GREB1L: variants seen among roughly 807,000 people sequenced by gnomAD.
The protein encoded by GREB1L is GREB1 like retinoic acid receptor coactivator, also known as GREB1-like protein.
In GREB1L, 17 loss-of-function variants were observed where a neutral mutation model predicts 200.8. The ratio of observed to expected loss-of-function variants is 0.08; its 90% confidence interval spans 0.06 to 0.13. GREB1L has a LOEUF of 0.13. GREB1L is among the 10% of genes least tolerant of loss of function. The pLI is 1.00. For synonymous variants in GREB1L, 789 were observed against 893.0 expected (o/e 0.88, Z 2.08); for missense variants, 1,657 against 2,367.7 (o/e 0.70, Z 6.23).
chr18:21,363,299 CCACA>C (rs1555631605), intron 1 of GREB1L, among the ~76,000 whole-genome samples: 1 of 105,528 alleles, frequency 9.5e-6, no homozygotes, highest in African/African-American at 4.0e-5. Context: ...CCCCCCCCCC[CCACA>C]CACACAAGAA....
intron 7 of GREB1L, among the ~76,000 whole-genome samples, chr18:21,434,527 G>A (rs1388818726): frequency 2.3e-4 from 32 of 138,802 alleles, no homozygotes; most frequent in African/African-American, 6.7e-4. Flanking sequence ...GTGTGTGTGT[G>A]TGTGTATATA....
chr18:21,353,828 C>G (rs2143375558), intron 1 of GREB1L, among the ~76,000 whole-genome samples: 1 of 152,256 alleles, frequency 6.6e-6, no homozygotes, highest in Admixed American at 6.5e-5. Flanking sequence ...CTCTGTCACC[C>G]AGGCTGAAGT....
chr18:21,261,365 G>A (rs2037887279), intron 1 of GREB1L, among the ~76,000 whole-genome samples: 1 of 152,014 alleles, frequency 6.6e-6, no homozygotes, highest in African/African-American at 2.4e-5. Context: ...TTGAAGCTCT[G>A]TAATTTTGCT....
rs1393318109 is a variant in GREB1L at position 21,403,764 on chromosome 18, G to A, written c.710-108G>A. ...GTGATCTCTAATTAAAGTGGCTGCCGCTTAAGGAGCAGCGATTTAATTTAG... is the reference window on the plus strand; with the variant it reads ...GTGATCTCTAATTAAAGTGGCTGCCACTTAAGGAGCAGCGATTTAATTTAG... On this transcript the variant is annotated intron_variant, in intron 6 of 32. Coordinates refer to ENST00000424526, the MANE Select transcript of GREB1L (RefSeq NM_001142966.3). 62 of 892,878 alleles carry A rather than the reference G, an allele frequency of 6.9e-5. No homozygotes were observed. In the East Asian group the frequency reaches 1.5e-3, roughly 22 times the overall value. 55.3% of individuals were successfully genotyped at this position (892,878 alleles called of 1,614,324 possible). A position where few individuals can be genotyped will look rare whatever the true frequency, so the allele number is the denominator to read the frequency against.
Position 21,299,076 on chromosome 18 carries a change from G to A in GREB1L, c.-120+56683G>A, listed in dbSNP as rs761851933. Among the ~76,000 whole-genome samples, 22 of 152,036 alleles carry A rather than the reference G, an allele frequency of 1.4e-4. 1 individual carries two copies. The highest frequency in any genetic ancestry group is 2.2e-4 in the African/African-American group (9 of 41,490). On this transcript the variant is annotated intron_variant, in intron 1 of 32. Transcript: ENST00000424526. Reference sequence around the variant, plus strand: ...GCAGATCACGTGAGGTCAGGAGTTCGAGACCAGCCTGGCCAACATGGTGAA... The same window carrying A: ...GCAGATCACGTGAGGTCAGGAGTTCAAGACCAGCCTGGCCAACATGGTGAA...
At chr18:21,316,228 TTTA>T (rs1196222163) in intron 1 of GREB1L, among the ~76,000 whole-genome samples, 4 of 152,082 alleles carry the variant, frequency 2.6e-5, no homozygotes, top group Non-Finnish European at 4.4e-5. Flanking sequence ...TTATTTTTTG[TTTA>T]TTGTTTATTT....
chr18:21,500,383 C>T (rs1444598705), intron 22 of GREB1L, 77 bp downstream of exon 22: 5 of 845,930 alleles, frequency 5.9e-6, no homozygotes, highest in Non-Finnish European at 9.5e-6. Flanking sequence ...GCCAGAAAAC[C>T]TCTTGGGGGT....
intron 4 of GREB1L, among the ~76,000 whole-genome samples, chr18:21,393,711 G>A (rs1252768000): frequency 3.9e-5 from 6 of 152,238 alleles, no homozygotes; most frequent in South Asian, 2.1e-4. Flanking sequence ...TTACAGGTGC[G>A]GGTCACCGCG....
At chr18:21,373,505 T>C (rs1296883240) in intron 2 of GREB1L, among the ~76,000 whole-genome samples, 2 of 152,174 alleles carry the variant, frequency 1.3e-5, no homozygotes, top group Non-Finnish European at 2.9e-5. Context: ...AGCTAATTTT[T>C]GTATTTTCAG....
intron 1 of GREB1L, among the ~76,000 whole-genome samples, chr18:21,344,851 G>A (rs752222607): frequency 4.1e-4 from 62 of 152,270 alleles, no homozygotes; most frequent in South Asian, 8.3e-4. Context: ...GTTGGTGATC[G>A]CTACTGGAGA....
chr18:21,515,421 C>A lies in GREB1L; in HGVS notation c.4906C>A (p.Pro1636Thr). 6.5e-7 allele frequency: 1 copy of A among 1,543,934 alleles called. No individual in the cohort carries two copies. The highest frequency in any genetic ancestry group is 8.8e-7 in the Non-Finnish European group (1 of 1,139,978). Residue 1636 changes from proline (P) to threonine (T), a missense_variant, in exon 29 of 33, where the codon CCC becomes ACC. Physicochemically the swap from Pro to Thr is conservative, Grantham distance 38. Transcript: ENST00000424526. The stretch of plus-strand genomic sequence containing the variant: ...TATATAAACTATATTTCATAGCCAG[C>A]CCATGGAAGTAGGAGTTTCCAGTAA... The part of the protein sequence containing the change: ...IHSVQEPSSQ[P>T]MEVGVSSKNV...
chr18:21,406,001 A>G (rs1240690814), intron 7 of GREB1L, among the ~76,000 whole-genome samples: 1 of 149,698 alleles, frequency 6.7e-6, no homozygotes, highest in African/African-American at 2.5e-5. Flanking sequence ...GTGCTGTTGC[A>G]GTGAGCTGAG....
intron 7 of GREB1L, among the ~76,000 whole-genome samples, chr18:21,423,817 C>G (rs1283120068): frequency 6.6e-6 from 1 of 152,180 alleles, no homozygotes; most frequent in Non-Finnish European, 1.5e-5. Context: ...ATGATCATAC[C>G]ACTGCACTCC....
chr18:21,296,725 G>C (rs2038533935), intron 1 of GREB1L, among the ~76,000 whole-genome samples: 2 of 151,346 alleles, frequency 1.3e-5, no homozygotes, highest in African/African-American at 4.9e-5. Context: ...CGTGATCTCA[G>C]CTCATTGCAA....
At chr18:21,407,453 A>G (rs1913489067) in intron 7 of GREB1L, among the ~76,000 whole-genome samples, 1 of 152,166 alleles carries the variant, frequency 6.6e-6, no homozygotes, top group South Asian at 2.1e-4. Context: ...TAATTTTTGT[A>G]TAGTATGAAA....
intron 7 of GREB1L, among the ~76,000 whole-genome samples, chr18:21,415,589 G>A (rs866166587): frequency 7.9e-5 from 12 of 152,028 alleles, no homozygotes; most frequent in African/African-American, 2.9e-4. Flanking sequence ...AAAAGAAAAG[G>A]AAAGAAAGAG....
chr18:21,286,105 A>AC (rs2038351767), intron 1 of GREB1L, among the ~76,000 whole-genome samples: 1 of 152,234 alleles, frequency 6.6e-6, no homozygotes, highest in South Asian at 2.1e-4. Flanking sequence ...TACAACTCCC[A>AC]CATTTTCAAT....
chr18:21,278,391 A>T (rs1252604315), intron 1 of GREB1L, among the ~76,000 whole-genome samples: 1,090 of 106,632 alleles, frequency 0.01, 33 homozygotes, highest in African/African-American at 0.039. Context: ...AAAAAAAAAA[A>T]ATAAATAAAT....
Position 21,246,516 on chromosome 18 carries a change from A to T in GREB1L, c.-120+4123A>T, listed in dbSNP as rs533219372. 4.6e-5 allele frequency among the ~76,000 whole-genome samples: 7 copies of T among 152,214 alleles called. No individual in the cohort carries two copies. In the South Asian group the frequency reaches 1.5e-3, roughly 32 times the overall value. On this transcript the variant is annotated intron_variant, in intron 1 of 32. Coordinates refer to ENST00000424526, the MANE Select transcript of GREB1L (RefSeq NM_001142966.3). The stretch of plus-strand genomic sequence containing the variant: ...TCTTTAGTCTTATACAAAGTGAGGG[A>T]TAGTTTTTTCCGCCATATTGCTATA...
Sources: gnomAD v4.1 joint callset for allele counts (sites outside exome capture counted in the v4.1 genomes callset) on GRCh38, gnomAD v4.1.1 for gene constraint, MANE v1.5 for transcripts, NCBI Gene and HGNC (gene_info 2026-07-23, HGNC 2026-07-21) for gene names.